The following LRRK1 variants were observed in gnomAD, a reference collection of about 807,000 sequenced individuals.
The protein encoded by LRRK1 is leucine rich repeat kinase 1.
A neutral mutation model predicts 209.1 loss-of-function variants in LRRK1; 113 were observed. That is an observed-to-expected ratio of 0.54 (90% CI 0.46 to 0.63). LRRK1 has a LOEUF of 0.63. Among genes scored for constraint, LRRK1 ranks in the 30% least tolerant of loss-of-function variants. The pLI is 0.00. For synonymous variants in LRRK1, 1,144 were observed against 1,099.7 expected (o/e 1.04, Z -0.80); for missense variants, 2,284 against 2,632.2 (o/e 0.87, Z 2.89).
intron 2 of LRRK1, among the ~76,000 whole-genome samples, chr15:100,964,198 C>T (rs2030299671): frequency 6.6e-6 from 1 of 152,142 alleles, no homozygotes. Context: ...TGAGCACCCA[C>T]CATCTGGAGA....
At chr15:101,029,793 A>G (rs979889814) in intron 20 of LRRK1, among the ~76,000 whole-genome samples, 1 of 152,134 alleles carries the variant, frequency 6.6e-6, no homozygotes, top group African/African-American at 2.4e-5. Flanking sequence ...GCTTGAACCC[A>G]GGAGGCAGAG....
chr15:100,990,471 A>G (rs894098150), intron 6 of LRRK1, among the ~76,000 whole-genome samples: 4 of 152,164 alleles, frequency 2.6e-5, no homozygotes, highest in African/African-American at 9.7e-5. Flanking sequence ...TTCACCAGCA[A>G]TAGGTGGGAT....
intron 2 of LRRK1, among the ~76,000 whole-genome samples, chr15:100,973,041 C>T (rs571198011): frequency 3.2e-4 from 48 of 152,334 alleles, no homozygotes; most frequent in South Asian, 2.7e-3. Context: ...AGTGGAAGCT[C>T]GGGGAGGGCG....
chr15:100,952,255 A>G lies in LRRK1; in HGVS notation c.98-21549A>G, dbSNP rs1429788448. Among the ~76,000 whole-genome samples, 4 of 152,284 alleles carry G rather than the reference A, an allele frequency of 2.6e-5. No individual in the cohort carries two copies. The East Asian group carries it at 7.7e-4, about 29-fold the overall frequency. On this transcript the variant is annotated intron_variant, in intron 2 of 33. Coordinates refer to ENST00000388948, the MANE Select transcript of LRRK1 (RefSeq NM_024652.6). ...ATTAGAAAGCGGTGATAGTTACACA[A>G]CTCTGTGAATATATTCAAACCCACT...
intron 15 of LRRK1, among the ~76,000 whole-genome samples, chr15:101,023,707 A>G (rs2141712451): frequency 6.6e-6 from 1 of 152,242 alleles, no homozygotes; most frequent in East Asian, 1.9e-4. Context: ...TCCACACACA[A>G]CCACTTTCCA....
At chr15:101,023,081 G>A (rs1475418527) in intron 15 of LRRK1, among the ~76,000 whole-genome samples, 2 of 152,122 alleles carry the variant, frequency 1.3e-5, no homozygotes, top group African/African-American at 4.8e-5. Context: ...CCAGGGCTGA[G>A]AGCTAACCAC....
In LRRK1 at chr15:101,048,556, A is replaced by G; in HGVS notation, c.3198A>G (p.Thr1066=). ...GGAAAGTCACCATTTACAGTTTTAC[A>G]GGAAACCAGAGAAATCGCTGTAGCA... The part of the protein sequence containing the change: ...RNRKVTIYSF[T]GNQRNRCSTF... The change falls in exon 22 of 34, where the codon ACA becomes ACG. Residue 1066 remains threonine, a synonymous_variant. Transcript: ENST00000388948. 6.3e-7 allele frequency: 1 copy of G among 1,592,954 alleles called. No individual in the cohort carries two copies. The highest frequency in any genetic ancestry group is 8.5e-7 in the Non-Finnish European group (1 of 1,173,806).
intron 2 of LRRK1, among the ~76,000 whole-genome samples, chr15:100,944,875 C>T (rs2042506275): frequency 6.6e-6 from 1 of 152,188 alleles, no homozygotes; most frequent in Non-Finnish European, 1.5e-5. Flanking sequence ...TTCTTACATC[C>T]TTCCAGAATC....
chr15:101,072,324 C>G lies in LRRK1; in HGVS notation c.*3476C>G, dbSNP rs1260607221. 6.6e-6 allele frequency: 1 copy of G among 152,230 alleles called. No homozygotes were observed. The highest frequency in any genetic ancestry group is 1.9e-4 in the East Asian group (1 of 5,200). The allele number at this position is 152,230 out of a possible 1,614,324, so 9.4% of individuals were successfully genotyped here. The stretch of plus-strand genomic sequence containing the variant: ...TTAGAATATGGCCCCAAACAGGAAG[C>G]AACCCCAACCTCTATCATGAGGGAG... On this transcript the variant is annotated 3_prime_UTR_variant, in exon 34 of 34. Transcript: ENST00000388948.
chr15:100,983,254 C>T (rs1243973581), intron 3 of LRRK1, among the ~76,000 whole-genome samples: 2 of 152,170 alleles, frequency 1.3e-5, no homozygotes, highest in African/African-American at 4.8e-5. Context: ...ATATTAAAAT[C>T]ATTGTTTCAA....
At chr15:100,959,710 G>A (rs537381486) in intron 2 of LRRK1, among the ~76,000 whole-genome samples, 2 of 152,276 alleles carry the variant, frequency 1.3e-5, no homozygotes, top group South Asian at 4.1e-4. Flanking sequence ...CATATGCATT[G>A]TGCAATATCT....
chr15:100,950,652 A>G (rs1404770528), intron 2 of LRRK1, among the ~76,000 whole-genome samples: 1 of 152,252 alleles, frequency 6.6e-6, no homozygotes, highest in African/African-American at 2.4e-5. Context: ...GTTGGACTTC[A>G]TCAGTTAAAA....
intron 2 of LRRK1, among the ~76,000 whole-genome samples, chr15:100,946,478 A>C (rs1191859388): frequency 6.6e-6 from 1 of 152,200 alleles, no homozygotes; most frequent in African/African-American, 2.4e-5. Flanking sequence ...CTTGCTAGTT[A>C]GAATTATAAT....
chr15:101,015,142 T>C (rs750743142), intron 11 of LRRK1, among the ~76,000 whole-genome samples, 184 bp from the exon 12 acceptor site: 3 of 152,156 alleles, frequency 2.0e-5, no homozygotes, highest in Non-Finnish European at 2.9e-5. Flanking sequence ...AAGGAGGACC[T>C]CTGCGGGGAG....
chr15:101,015,534 C>T (rs377720643), intron 12 of LRRK1, 132 bp downstream of exon 12: 1 of 662,222 alleles, frequency 1.5e-6, no homozygotes, highest in Middle Eastern at 2.9e-4. Context: ...CCACAGATGT[C>T]CAAGTTCAAA....
intron 26 of LRRK1, among the ~76,000 whole-genome samples, chr15:101,054,489 A>G (rs994723235): frequency 2.0e-5 from 3 of 152,224 alleles, no homozygotes; most frequent in Admixed American, 2.0e-4. Flanking sequence ...TCTGGTGAAT[A>G]GTGAGAATGT....
At chr15:101,031,154 G>T (rs953681158) in intron 20 of LRRK1, among the ~76,000 whole-genome samples, 1 of 152,146 alleles carries the variant, frequency 6.6e-6, no homozygotes, top group African/African-American at 2.4e-5. Flanking sequence ...TGCCCGGATC[G>T]CTAGTGTTCA....
At position 101,075,001 on chromosome 15, in the gene LRRK1, G is replaced by C. The variant is rs907227829; in HGVS notation, c.*6153G>C. On this transcript the variant is annotated 3_prime_UTR_variant, in exon 34 of 34. Coordinates refer to ENST00000388948, the MANE Select transcript of LRRK1 (RefSeq NM_024652.6). ...CTCCTTCCCAGATCTTCTTGGCTTA[G>C]CGGCTGAAGACTGACACTGCCCGAT... The C allele has an allele frequency of 6.7e-5, 9 of 134,194 alleles. No homozygotes were observed. Among genetic ancestry groups the C allele is most frequent in the Non-Finnish European group, 1.1e-4 (7 of 62,504 alleles). The allele number at this position is 134,194 out of a possible 1,614,324, so 8.3% of individuals were successfully genotyped here.
chr15:101,061,811 C>A (rs1016533890), intron 30 of LRRK1, among the ~76,000 whole-genome samples: 41 of 152,160 alleles, frequency 2.7e-4, no homozygotes, highest in African/African-American at 9.7e-4. Context: ...GAGATTGAGA[C>A]CATCCTGGCC....
Sources: gnomAD v4.1 joint callset for allele counts (sites outside exome capture counted in the v4.1 genomes callset) on GRCh38, gnomAD v4.1.1 for gene constraint, MANE v1.5 for transcripts, NCBI Gene and HGNC (gene_info 2026-07-23, HGNC 2026-07-21) for gene names.